TANK: variants seen among roughly 807,000 people sequenced by gnomAD.
TANK encodes TRAF family member-associated NF-kappa-B activator.
TANK carries 15 observed loss-of-function variants against 43.6 expected under a neutral mutation model. The ratio of observed to expected loss-of-function variants is 0.34; its 90% CI spans 0.23 to 0.53. The LOEUF is 0.53. Ranked by LOEUF, TANK falls within the 20% of genes least tolerant of loss-of-function variation. The pLI is 0.94. For missense variants in TANK, 417 were observed against 498.6 expected (o/e 0.84, Z 1.56); for synonymous variants, 162 against 178.2 (o/e 0.91, Z 0.73).
At chr2:161,175,408 T>C (rs1197080011) in intron 1 of TANK, among the ~76,000 whole-genome samples, 2 of 152,120 alleles carry the variant, frequency 1.3e-5, no homozygotes, top group African/African-American at 4.8e-5. Flanking sequence ...AATGTTAATA[T>C]GTAATAGGAA....
At chr2:161,229,000 A>G (rs991672143) in intron 6 of TANK, among the ~76,000 whole-genome samples, 5 of 152,210 alleles carry the variant, frequency 3.3e-5, no homozygotes, top group Non-Finnish European at 5.9e-5. Flanking sequence ...ATTGCCTAAG[A>G]CTGCATTTCT....
At position 161,230,371 on chromosome 2, in the gene TANK, A is replaced by G. The variant is rs375706660; in HGVS notation, c.521-600A>G. Among the ~76,000 whole-genome samples, 33 of 152,308 alleles carry G rather than the reference A, an allele frequency of 2.2e-4. 2 individuals carry two copies. In the South Asian group the frequency reaches 6.8e-3, roughly 32 times the overall value. On this transcript the variant is annotated intron_variant, in intron 6 of 7. Transcript: ENST00000392749. The stretch of plus-strand genomic sequence containing the variant: ...GGTCTTTTTTAAAAAAAGATATAAG[A>G]TGATAAAATAATCTATTCATCCACA...
chr2:161,175,289 A>G (rs1002756443), intron 1 of TANK, among the ~76,000 whole-genome samples: 6 of 152,312 alleles, frequency 3.9e-5, no homozygotes, highest in African/African-American at 1.2e-4. Flanking sequence ...GCTGACTCTA[A>G]TGAACAATCC....
upstream of TANK, chr2:161,155,953 C>T: frequency 1.4e-6 from 1 of 693,692 alleles, no homozygotes. Context: ...AAAATATTCA[C>T]TGATTAAATT....
chr2:161,140,830 AGTCT>A (rs527966529), intron 1 of TANK, among the ~76,000 whole-genome samples: 4 of 151,980 alleles, frequency 2.6e-5, no homozygotes, highest in Admixed American at 2.0e-4. Flanking sequence ...TTTAATGAAT[AGTCT>A]GTCTTTTTTA....
intron 1 of TANK, among the ~76,000 whole-genome samples, chr2:161,171,202 G>A (rs549471724): frequency 3.3e-5 from 5 of 152,278 alleles, no homozygotes; most frequent in African/African-American, 1.2e-4. Flanking sequence ...ATGTTGATCT[G>A]TTGGGCTGCC....
At chr2:161,226,721 A>C (rs1160721265) in intron 6 of TANK, among the ~76,000 whole-genome samples, 3 of 152,152 alleles carry the variant, frequency 2.0e-5, no homozygotes, top group East Asian at 1.9e-4. Flanking sequence ...TACATATGGC[A>C]GTAGACTTAA....
intron 2 of TANK, among the ~76,000 whole-genome samples, chr2:161,202,282 C>T (rs758885242): frequency 7.3e-5 from 11 of 150,104 alleles, no homozygotes; most frequent in South Asian, 6.3e-4. Flanking sequence ...CTCCGCCTCC[C>T]GGGTTCACAT....
At chr2:161,218,176 G>C (rs1008686249) in intron 4 of TANK, among the ~76,000 whole-genome samples, 3 of 152,096 alleles carry the variant, frequency 2.0e-5, no homozygotes, top group African/African-American at 4.8e-5. Flanking sequence ...CAAAAAAAAG[G>C]CTATACCAAA....
intron 6 of TANK, 136 bp from the exon 7 acceptor site, chr2:161,230,835 T>A (rs1340272870): frequency 8.4e-6 from 6 of 712,992 alleles, no homozygotes; most frequent in Non-Finnish European, 1.4e-5. Context: ...TGGTAGCAAA[T>A]TTTAAAATCC....
At chr2:161,219,814 C>G (rs1352436563) in intron 4 of TANK, 1 of 421,836 alleles carries the variant, frequency 2.4e-6, no homozygotes, top group Non-Finnish European at 4.7e-6. Flanking sequence ...CCTCCTTTAA[C>G]ATTTCATTCT....
intron 1 of TANK, among the ~76,000 whole-genome samples, chr2:161,173,474 C>G (rs985614889): frequency 3.9e-5 from 6 of 152,106 alleles, no homozygotes; most frequent in Non-Finnish European, 1.5e-5. Context: ...ATTGTTCCTT[C>G]TATTGAGCCT....
At chr2:161,175,465 A>G (rs1329059066) in intron 1 of TANK, among the ~76,000 whole-genome samples, 2 of 152,172 alleles carry the variant, frequency 1.3e-5, no homozygotes, top group East Asian at 1.9e-4. Flanking sequence ...TAACTTTAAG[A>G]TAGTACTATA....
chr2:161,196,878 A>T (rs1345383414), intron 2 of TANK, among the ~76,000 whole-genome samples: 1 of 152,186 alleles, frequency 6.6e-6, no homozygotes, highest in African/African-American at 2.4e-5. Context: ...TCTCCTGGGA[A>T]GGTTGGTTTA....
At chr2:161,142,934 T>G (rs571438884) in intron 1 of TANK, among the ~76,000 whole-genome samples, 197 of 152,316 alleles carry the variant, frequency 1.3e-3, no homozygotes, top group Non-Finnish European at 2.1e-3. Context: ...ATTTTCATGA[T>G]GTTGATTCTT....
At chr2:161,180,915 T>C (rs1262410015) in intron 2 of TANK, among the ~76,000 whole-genome samples, 1 of 151,990 alleles carries the variant, frequency 6.6e-6, no homozygotes, top group East Asian at 1.9e-4. Flanking sequence ...TTTTTTTTTT[T>C]TTTTGAGGAT....
chr2:161,141,920 T>A lies in TANK; in HGVS notation c.-50+4857T>A, dbSNP rs563355188. 2.0e-5 allele frequency among the ~76,000 whole-genome samples: 3 copies of A among 152,192 alleles called. No individual in the cohort carries two copies. In the East Asian group the frequency reaches 5.8e-4, roughly 29 times the overall value. ...GGAATTGCCACACTGTCTTCCACAA[T>A]AGTTGAACGAATTTACATTTCCACC... On this transcript the variant is annotated intron_variant, in intron 1 of 7. Coordinates refer to the TANK transcript ENST00000259075.
At chr2:161,209,674 G>A (rs190605366) in intron 4 of TANK, among the ~76,000 whole-genome samples, 229 of 152,102 alleles carry the variant, frequency 1.5e-3, no homozygotes, top group Middle Eastern at 3.4e-3. Flanking sequence ...AAAATTCTCC[G>A]GTGGTTTGAT....
At chr2:161,140,974 C>T (rs1027524059) in intron 1 of TANK, among the ~76,000 whole-genome samples, 1 of 152,098 alleles carries the variant, frequency 6.6e-6, no homozygotes, top group African/African-American at 2.4e-5. Flanking sequence ...ACATTTGTAA[C>T]AATTTATGAA....
Sources: allele counts gnomAD v4.1 joint callset (sites outside exome capture counted in the v4.1 genomes callset), GRCh38; gene constraint gnomAD v4.1.1; transcripts MANE v1.5; gene names NCBI Gene and HGNC (gene_info 2026-07-23, HGNC 2026-07-21).